ANKS1B: variants seen among roughly 807,000 people sequenced by gnomAD.
The protein encoded by ANKS1B is ankyrin repeat and sterile alpha motif domain containing 1B, also known as ankyrin repeat and sterile alpha motif domain-containing protein 1B.
A neutral mutation model predicts 148.3 loss-of-function variants in ANKS1B; 36 were observed. That is an observed-to-expected ratio of 0.24 (90% CI 0.19 to 0.32). The LOEUF is 0.32. Among genes scored for constraint, ANKS1B ranks in the 10% least tolerant of loss-of-function variants. ANKS1B has a pLI of 1.00. For missense variants in ANKS1B, 1,157 were observed against 1,542.6 expected (o/e 0.75, Z 4.19); for synonymous variants, 542 against 560.8 (o/e 0.97, Z 0.47).
chr12:99,251,696 C>G (rs2074617409), intron 12 of ANKS1B, among the ~76,000 whole-genome samples: 1 of 152,126 alleles, frequency 6.6e-6, no homozygotes, highest in Non-Finnish European at 1.5e-5. Flanking sequence ...ACCTGATTAA[C>G]AATAAAATCC....
chr12:99,144,883 C>T (rs2072437203), intron 15 of ANKS1B, among the ~76,000 whole-genome samples: 1 of 151,968 alleles, frequency 6.6e-6, no homozygotes, highest in Admixed American at 6.6e-5. Context: ...AGGAACCAAC[C>T]CTGCTGGCAC....
chr12:99,150,164 A>G (rs1380762925), intron 15 of ANKS1B, among the ~76,000 whole-genome samples: 1 of 152,172 alleles, frequency 6.6e-6, no homozygotes, highest in Non-Finnish European at 1.5e-5. Context: ...TTTAAAAATG[A>G]GACTGGAGGT....
intron 17 of ANKS1B, among the ~76,000 whole-genome samples, chr12:98,871,366 AT>A (rs1429190348): frequency 2.6e-5 from 4 of 152,194 alleles, no homozygotes; most frequent in Admixed American, 2.0e-4. Flanking sequence ...CAATAACATA[AT>A]TTCTACGATA....
intron 9 of ANKS1B, among the ~76,000 whole-genome samples, chr12:99,597,410 C>T (rs573680281): frequency 2.6e-5 from 4 of 152,032 alleles, no homozygotes; most frequent in African/African-American, 9.6e-5. Context: ...TTAAACAAAG[C>T]CCAACATTAT....
At chr12:99,573,421 T>C (rs1434007309) in intron 9 of ANKS1B, among the ~76,000 whole-genome samples, 1 of 152,126 alleles carries the variant, frequency 6.6e-6, no homozygotes, top group Non-Finnish European at 1.5e-5. Flanking sequence ...GGATCAGCAT[T>C]ATATTAGCTT....
intron 12 of ANKS1B, among the ~76,000 whole-genome samples, chr12:99,372,302 T>A (rs930412429): frequency 6.8e-6 from 1 of 147,932 alleles, no homozygotes; most frequent in African/African-American, 2.5e-5. Context: ...AAATATGTCT[T>A]AAAAAAAAAA....
chr12:99,324,061 T>C (rs1023390820), intron 12 of ANKS1B, among the ~76,000 whole-genome samples: 4 of 152,200 alleles, frequency 2.6e-5, no homozygotes, highest in African/African-American at 9.6e-5. Flanking sequence ...CTTAACTTTA[T>C]GCCATTCCCA....
chr12:99,476,746 A>C (rs2096329933), intron 10 of ANKS1B, among the ~76,000 whole-genome samples: 1 of 152,170 alleles, frequency 6.6e-6, no homozygotes, highest in Admixed American at 6.5e-5. Context: ...AATTACCCCA[A>C]AACTTAAAAC....
chr12:99,341,826 T>C (rs1048833213), intron 12 of ANKS1B, among the ~76,000 whole-genome samples: 1 of 152,078 alleles, frequency 6.6e-6, no homozygotes, highest in African/African-American at 2.4e-5. Context: ...TAAAGGTATA[T>C]AGAAGGAAGC....
At chr12:98,936,687 C>CAA (rs2099819059) in intron 17 of ANKS1B, among the ~76,000 whole-genome samples, 1 of 152,026 alleles carries the variant, frequency 6.6e-6, no homozygotes, top group South Asian at 2.1e-4. Context: ...TAAGGCTATT[C>CAA]TATTCTTCAC....
At position 98,890,541 on chromosome 12, in the gene ANKS1B, T is replaced by C. The variant is rs1046027149; in HGVS notation, c.2779-58405A>G. Among the ~76,000 whole-genome samples, 12 of 152,270 alleles carry C rather than the reference T, an allele frequency of 7.9e-5. 1 individual carries two copies. The East Asian group carries it at 2.1e-3, about 27-fold the overall frequency. On this transcript the variant is annotated intron_variant, in intron 17 of 26. Transcript: ENST00000683438. The stretch of plus-strand genomic sequence containing the variant: ...GTTACATTTTATATTTCTAGAAAAA[T>C]AACTACAACATGGTCTTGATGTCTA...
chr12:99,191,647 G>T (rs748230220), intron 14 of ANKS1B, among the ~76,000 whole-genome samples: 20 of 152,114 alleles, frequency 1.3e-4, no homozygotes, highest in Non-Finnish European at 1.8e-4. Flanking sequence ...TGAACAATGA[G>T]AACACATGGA....
chr12:99,161,527 A>G (rs1566520897), intron 14 of ANKS1B, among the ~76,000 whole-genome samples: 1 of 152,150 alleles, frequency 6.6e-6, no homozygotes, highest in Non-Finnish European at 1.5e-5. Context: ...AAAACAAACC[A>G]AACCAAAACA....
At chr12:98,967,497 T>C (rs755325593) in intron 17 of ANKS1B, among the ~76,000 whole-genome samples, 5 of 151,862 alleles carry the variant, frequency 3.3e-5, no homozygotes, top group Admixed American at 6.6e-5. Context: ...GGAATATACA[T>C]ACTGGTGTTC....
chr12:99,272,994 T>C (rs150418222), intron 12 of ANKS1B, among the ~76,000 whole-genome samples: 268 of 152,302 alleles, frequency 1.8e-3, no homozygotes, highest in African/African-American at 6.1e-3. Flanking sequence ...CATGCAGTGG[T>C]GGGACAGGCA....
intron 15 of ANKS1B, among the ~76,000 whole-genome samples, chr12:99,106,983 C>T (rs10860393): frequency 0.33 from 49,911 of 151,954 alleles, 10,176 homozygotes; most frequent in East Asian, 0.69. Flanking sequence ...ATGGTCCAGA[C>T]GTCTGCTCTA....
intron 8 of ANKS1B, among the ~76,000 whole-genome samples, chr12:99,761,874 G>A (rs1020482202): frequency 2.6e-5 from 4 of 151,860 alleles, no homozygotes; most frequent in African/African-American, 9.7e-5. Flanking sequence ...TATATATGAA[G>A]ATCATTATAA....
At chr12:98,819,696 C>T (rs954037392) in intron 19 of ANKS1B, among the ~76,000 whole-genome samples, 1 of 152,190 alleles carries the variant, frequency 6.6e-6, no homozygotes, top group Non-Finnish European at 1.5e-5. Context: ...GATGGGACTA[C>T]ATACATTTTC....
intron 12 of ANKS1B, among the ~76,000 whole-genome samples, chr12:99,262,162 T>C (rs1211989993): frequency 3.3e-5 from 5 of 152,116 alleles, no homozygotes; most frequent in African/African-American, 4.8e-5. Flanking sequence ...CCTCCATGGA[T>C]CACACCATTT....
Sources: gnomAD v4.1 joint callset for allele counts (sites outside exome capture counted in the v4.1 genomes callset) on GRCh38, gnomAD v4.1.1 for gene constraint, MANE v1.5 for transcripts, NCBI Gene and HGNC (gene_info 2026-07-23, HGNC 2026-07-21) for gene names.